GPR155: variants seen among roughly 807,000 people sequenced by gnomAD.
The protein encoded by GPR155 is G protein-coupled receptor 155, also known as lysosomal cholesterol signaling protein.
GPR155 carries 65 observed loss-of-function variants against 93.1 expected under a neutral mutation model. The observed-to-expected ratio is 0.70, with a 90% CI of 0.57 to 0.86. The LOEUF is 0.86. GPR155 is among the 40% of genes least tolerant of loss of function. GPR155 has a pLI of 0.00. For synonymous variants in GPR155, 319 were observed against 360.1 expected, an observed-to-expected ratio of 0.89 and a Z score of 1.29; for missense variants, 838 against 1,034.8, an observed-to-expected ratio of 0.81 and a Z score of 2.61.
At chr2:174,476,918 A>G (rs1437596414) in intron 2 of GPR155, among the ~76,000 whole-genome samples, 1 of 152,162 alleles carries the variant, frequency 6.6e-6, no homozygotes, top group Non-Finnish European at 1.5e-5. Context: ...GGTATTCTGT[A>G]GTACTTTGTT....
At chr2:174,470,314 T>A (rs1439291965) in intron 4 of GPR155, 76 bp downstream of exon 4, 6 of 1,187,286 alleles carry the variant, frequency 5.1e-6, no homozygotes, top group African/African-American at 4.7e-5. Context: ...AAAAGAATTT[T>A]AAAAAATTTG....
rs892069187 is a variant in GPR155 at position 174,433,448 on chromosome 2, T to C, written c.*2668A>G. 6.6e-6 allele frequency: 1 copy of C among 152,228 alleles called. No homozygotes were observed. The highest frequency in any genetic ancestry group is 2.4e-5 in the African/African-American group (1 of 41,468). 9.4% of individuals were successfully genotyped at this position (152,228 alleles called of 1,614,324 possible). ...ACTGTTGTGTGCTCAGTGTTCAGAT[T>C]GTGTCTGGAACATGCTAGATGCTCG... On this transcript the variant is annotated 3_prime_UTR_variant, in exon 16 of 16. Coordinates refer to ENST00000392552, the MANE Select transcript of GPR155 (RefSeq NM_152529.7).
intron 2 of GPR155, 35 bp from the exon 3 acceptor site, chr2:174,473,399 C>A: frequency 7.5e-7 from 1 of 1,334,600 alleles, no homozygotes; most frequent in Non-Finnish European, 1.1e-6. Flanking sequence ...TAAATGATGA[C>A]CACAGAAATA....
chr2:174,449,643 G>A (rs1351654963), intron 11 of GPR155, among the ~76,000 whole-genome samples: 1 of 152,144 alleles, frequency 6.6e-6, no homozygotes, highest in African/African-American at 2.4e-5. Context: ...TCAGGAGTTC[G>A]AGACCAGCCT....
chr2:174,462,923 T>C (rs755083537), intron 7 of GPR155, among the ~76,000 whole-genome samples: 1 of 152,136 alleles, frequency 6.6e-6, no homozygotes, highest in Non-Finnish European at 1.5e-5. Flanking sequence ...GCACCTTAGA[T>C]GTGGAAATGA....
chr2:174,438,169 G>T (rs749140604), intron 15 of GPR155, among the ~76,000 whole-genome samples: 2 of 152,032 alleles, frequency 1.3e-5, no homozygotes, highest in African/African-American at 4.8e-5. Flanking sequence ...GAGCCCAGGA[G>T]ATTGGGGCTG....
Position 174,434,793 on chromosome 2 carries a change from C to T in GPR155, c.*1323G>A, listed in dbSNP as rs368569696. ...GGTATTCTTTTTTCTTTTTCTTTTT[C>T]TTTTTTTTTTTTTTTAGTACAGACC... On this transcript the variant is annotated 3_prime_UTR_variant, in exon 16 of 16. Transcript: ENST00000392552. 1 of 141,208 alleles carries T rather than the reference C, an allele frequency of 7.1e-6. No individual in the cohort carries two copies. Among genetic ancestry groups the T allele is most frequent in the Non-Finnish European group, 1.5e-5 (1 of 65,678 alleles). The allele number at this position is 141,208 out of a possible 1,614,324, so 8.7% of individuals were successfully genotyped here.
chr2:174,479,613 A>G (rs1688262986), intron 2 of GPR155, among the ~76,000 whole-genome samples: 1 of 152,224 alleles, frequency 6.6e-6, no homozygotes, highest in Non-Finnish European at 1.5e-5. Context: ...TGTTAGTTCT[A>G]TTTCATTATC....
intron 10 of GPR155, 94 bp from the exon 11 acceptor site, chr2:174,453,935 T>C (rs1267875017): frequency 2.3e-5 from 18 of 792,878 alleles, no homozygotes. Context: ...CAAAATCCAC[T>C]CACACACACT....
intron 5 of GPR155, among the ~76,000 whole-genome samples, chr2:174,466,844 C>A (rs1687852257): frequency 6.6e-6 from 1 of 151,988 alleles, no homozygotes; most frequent in Non-Finnish European, 1.5e-5. Flanking sequence ...ATTAACTCTC[C>A]AAAAATTACA....
Position 174,473,003 on chromosome 2 carries a change from C to A in GPR155, c.822G>T (p.Ser274=). 1 of 1,592,700 alleles carries A rather than the reference C, an allele frequency of 6.3e-7. No individual in the cohort carries two copies. Among genetic ancestry groups the A allele is most frequent in the Admixed American group, 1.9e-5 (1 of 52,262 alleles). Residue 274 remains serine, a synonymous_variant, in exon 3 of 16, where the codon TCG becomes TCT. Transcript: ENST00000392552. The part of the protein sequence containing the change: ...MVGKIKRLKK[S]AFVVLILLIT... ...TGAGAAGAATTAGTACTACAAATGC[C>A]GACTTCTTCAGTCTCTTTATTTTTC...
intron 14 of GPR155, 60 bp downstream of exon 14, chr2:174,442,057 CTT>C (rs1686982274): frequency 1.1e-6 from 1 of 893,928 alleles, no homozygotes; most frequent in African/African-American, 1.6e-5. Flanking sequence ...ATATCAGTAT[CTT>C]AATATAATGG....
At chr2:174,443,028 A>G (rs574269829) in intron 13 of GPR155, among the ~76,000 whole-genome samples, 196 of 152,342 alleles carry the variant, frequency 1.3e-3, no homozygotes, top group African/African-American at 4.4e-3. Context: ...AGCTCATCCC[A>G]GTCCCAGTTC....
chr2:174,437,404 G>T (rs1559094258), intron 15 of GPR155, among the ~76,000 whole-genome samples: 1 of 152,032 alleles, frequency 6.6e-6, no homozygotes, highest in Non-Finnish European at 1.5e-5. Flanking sequence ...CTCATGAAAA[G>T]TTTTCTCAAA....
chr2:174,467,153 T>C (rs1687860798), intron 5 of GPR155, among the ~76,000 whole-genome samples: 1 of 149,724 alleles, frequency 6.7e-6, no homozygotes, highest in South Asian at 2.1e-4. Flanking sequence ...CAAGACTCCA[T>C]CTCAAAAAAC....
chr2:174,474,705 A>G (rs1688093200), intron 2 of GPR155, among the ~76,000 whole-genome samples: 1 of 152,268 alleles, frequency 6.6e-6, no homozygotes, highest in East Asian at 1.9e-4. Flanking sequence ...TTAGGACTTA[A>G]CCACTGCATA....
Position 174,461,630 on chromosome 2 carries a change from C to T in GPR155, c.1427G>A (p.Arg476Lys), listed in dbSNP as rs765458661. ...ISLFLLKKRE[R>K]VQIPVGIIII... ...GATTATTCCAACAGGAATTTGTACC[C>T]TCTCTCGCTTTTTCAAAAGAAACAA... The change falls in exon 8 of 16, where the codon AGG (arginine) becomes AAG (lysine). Residue 476 changes from arginine to lysine, a missense_variant. Arg to Lys is a conservative substitution (Grantham distance 26, BLOSUM62 2). Around this residue, in one of 3 missense-constraint regions of GPR155, gnomAD observed 663 missense variants for 790.1 expected, o/e 0.84. Coordinates refer to ENST00000392552, the MANE Select transcript of GPR155 (RefSeq NM_152529.7). The T allele has an allele frequency of 6.2e-7, 1 of 1,611,648 alleles. No homozygotes were observed. Among genetic ancestry groups the T allele is most frequent in the South Asian group, 1.1e-5 (1 of 90,990 alleles).
At position 174,459,907 on chromosome 2, in the gene GPR155, T is replaced by G; in HGVS notation, c.1742A>C (p.Glu581Ala). Residue 581 changes from glutamate to alanine, a missense_variant, in exon 10 of 16, where the codon GAA (glutamate) becomes GCA (alanine). Physicochemically the swap from Glu to Ala is moderately radical, Grantham distance 107. Coordinates refer to ENST00000392552, the MANE Select transcript of GPR155 (RefSeq NM_152529.7). ...TTCTGGAATAGAGCTTGTAAAAAGT[T>G]CTGGTTCATTTACTGGTGCTGGACT... ...EESPAPVNEP[E>A]LFTSSIPETS... is the part of the protein sequence containing the mutation. 6 of 1,613,530 alleles carry G rather than the reference T, an allele frequency of 3.7e-6. No individual in the cohort carries two copies. Among genetic ancestry groups the G allele is most frequent in the Non-Finnish European group, 5.1e-6 (6 of 1,179,502 alleles).
At chr2:174,459,844 C>T (rs1372700434) in intron 10 of GPR155, 34 bp downstream of exon 10, 2 of 1,496,548 alleles carry the variant, frequency 1.3e-6, no homozygotes, top group African/African-American at 2.8e-5. Flanking sequence ...GATTCTGTCT[C>T]AAATAAATAA....
Sources: allele counts gnomAD v4.1 joint callset (sites outside exome capture counted in the v4.1 genomes callset), GRCh38; gene constraint gnomAD v4.1.1; regional missense constraint gnomAD v4.1.1; transcripts MANE v1.5; gene names NCBI Gene and HGNC (gene_info 2026-07-23, HGNC 2026-07-21).